M6PR: variants seen among roughly 807,000 people sequenced by gnomAD.
M6PR encodes the protein mannose-6-phosphate receptor, cation dependent, also known as cation-dependent mannose-6-phosphate receptor.
In M6PR, 19 loss-of-function variants were observed where a neutral mutation model predicts 33.1. The observed-to-expected ratio is 0.57, with a 90% CI of 0.40 to 0.84. The LOEUF (loss-of-function observed/expected upper bound fraction) is 0.84, where lower values mean the gene tolerates loss of function less well. Among genes scored for constraint, M6PR ranks in the 40% least tolerant of loss-of-function variants. The pLI is 0.00. For missense variants in M6PR, 295 were observed against 336.0 expected (o/e 0.88, Z 0.95); for synonymous variants, 111 against 123.4 (o/e 0.90, Z 0.67).
intron 1 of M6PR, among the ~76,000 whole-genome samples, chr12:8,948,038 CT>C (rs1403683673): frequency 6.6e-6 from 1 of 152,162 alleles, no homozygotes; most frequent in Non-Finnish European, 1.5e-5. Flanking sequence ...TGCCATTTTC[CT>C]TTCCAGTCTC....
At chr12:8,948,045 G>A (rs1471594000) in intron 1 of M6PR, among the ~76,000 whole-genome samples, 1 of 152,080 alleles carries the variant, frequency 6.6e-6, no homozygotes, top group Non-Finnish European at 1.5e-5. Flanking sequence ...TTCCTTTCCA[G>A]TCTCTCAGGA....
At chr12:8,945,979 A>G (rs1421897596) in intron 2 of M6PR, among the ~76,000 whole-genome samples, 5 of 152,180 alleles carry the variant, frequency 3.3e-5, no homozygotes, top group Admixed American at 1.3e-4. Context: ...TGTTTATCTG[A>G]TATTTCTAAA....
intron 2 of M6PR, among the ~76,000 whole-genome samples, 166 bp downstream of exon 2, chr12:8,946,063 A>G (rs1441579009): frequency 3.3e-5 from 5 of 152,244 alleles, no homozygotes; most frequent in African/African-American, 1.2e-4. Context: ...TCTTGGAAAT[A>G]GCTACACTTC....
chr12:8,947,144 G>C (rs1946105745), intron 1 of M6PR, among the ~76,000 whole-genome samples: 2 of 152,288 alleles, frequency 1.3e-5, no homozygotes, highest in Middle Eastern at 3.4e-3. Flanking sequence ...ACAATTTCCT[G>C]ATTTAACTCT....
Position 8,943,327 on chromosome 12 carries a change from TTATGTACC to T in M6PR, c.584+70_584+77del, listed in dbSNP as rs1946051014. 6.4e-5 allele frequency: 98 copies of T among 1,528,450 alleles called. No individual in the cohort carries two copies. The South Asian group carries it at 1.1e-3, about 17-fold the overall frequency. 94.7% of individuals were successfully genotyped at this position (1,528,450 alleles called of 1,614,324 possible). On this transcript the variant is annotated intron_variant, in intron 5 of 6. Transcript: ENST00000000412. ...CATAATGTACACATACAATTTGTGC[TTATGTACC>T]ACCATATAGTTACTGACCTTAAAAA...
In M6PR at chr12:8,943,545, A is replaced by C; in HGVS notation, c.454-10T>G. ...CAGGGTTAAAATTGTCCTGATGATG[A>C]GATGGCATAACACATTCAGGTGGTT... On this transcript the variant is annotated splice_polypyrimidine_tract_variant and intron_variant, in intron 4 of 6. Coordinates refer to ENST00000000412, the MANE Select transcript of M6PR (RefSeq NM_002355.4). 1.2e-6 allele frequency: 2 copies of C among 1,614,186 alleles called. No homozygotes were observed. The highest frequency in any genetic ancestry group is 2.2e-5 in the South Asian group (2 of 91,086).
At chr12:8,944,099 TAAGAC>T (rs1216512782) in intron 3 of M6PR, among the ~76,000 whole-genome samples, 189 bp from the exon 4 acceptor site, 3 of 152,212 alleles carry the variant, frequency 2.0e-5, no homozygotes, top group Non-Finnish European at 4.4e-5. Context: ...TGTGTTCCCT[TAAGAC>T]AAGAATCAGA....
intron 1 of M6PR, chr12:8,946,733 G>T (rs971679611): frequency 1.1e-4 from 22 of 195,294 alleles, no homozygotes; most frequent in Non-Finnish European, 1.9e-4. Context: ...CTGTTTGATG[G>T]CTTGATGTAG....
chr12:8,941,973 G>T (rs781450043), intron 6 of M6PR, 33 bp from the exon 7 acceptor site: 1 of 1,612,442 alleles, frequency 6.2e-7, no homozygotes, highest in Admixed American at 1.7e-5. Flanking sequence ...GAAATAATTC[G>T]CAGCATCTAA....
At chr12:8,942,104 G>T in intron 6 of M6PR, 164 bp from the exon 7 acceptor site, 2 of 840,458 alleles carry the variant, frequency 2.4e-6, no homozygotes, top group Non-Finnish European at 3.6e-6. Flanking sequence ...TGGGGCAACA[G>T]GAGAAAAAGT....
In M6PR at chr12:8,941,583, G is replaced by C; in HGVS notation, c.*235C>G. On this transcript the variant is annotated 3_prime_UTR_variant, in exon 7 of 7. Transcript: ENST00000000412. ...CAATGCAAAAGCCTCTGTTTTCACA[G>C]GCCCTATTATATTAACTCTGACTTA... The C allele has an allele frequency of 2.2e-6, 1 of 452,724 alleles. No individual in the cohort carries two copies. Among genetic ancestry groups the C allele is most frequent in the South Asian group, 4.1e-5 (1 of 24,326 alleles). The allele number at this position is 452,724 out of a possible 1,614,324, so 28.0% of individuals were successfully genotyped here.
chr12:8,941,680 G>A lies in M6PR; in HGVS notation c.*138C>T. 3 of 1,053,448 alleles carry A rather than the reference G, an allele frequency of 2.8e-6. No homozygotes were observed. In the South Asian group the frequency reaches 4.6e-5, roughly 16 times the overall value. The allele number at this position is 1,053,448 out of a possible 1,614,324, so 65.3% of individuals were successfully genotyped here. On this transcript the variant is annotated 3_prime_UTR_variant, in exon 7 of 7. Coordinates refer to ENST00000000412, the MANE Select transcript of M6PR (RefSeq NM_002355.4). Reference sequence around the variant, plus strand: ...AAGGCAGTTTTACTAGTGAGAAGATGCAAATCAAAAGCAAACTGGAAAGCA... The same window carrying A: ...AAGGCAGTTTTACTAGTGAGAAGATACAAATCAAAAGCAAACTGGAAAGCA...
At chr12:8,943,206 C>G (rs1376886362) in intron 5 of M6PR, 199 bp downstream of exon 5, 2 of 626,644 alleles carry the variant, frequency 3.2e-6, no homozygotes, top group African/African-American at 3.7e-5. Flanking sequence ...TCTGCCTTGG[C>G]TTCCCAAAGT....
Position 8,943,387 on chromosome 12 carries a change from AAAGG to A in M6PR, c.584+14_584+17del. ...AAAAGGAAGGAAGGTCTGTTCTGAT[AAAGG>A]AAGGCATACTCACGTGACAAGTAAG... On this transcript the variant is annotated intron_variant, in intron 5 of 6. Coordinates refer to ENST00000000412, the MANE Select transcript of M6PR (RefSeq NM_002355.4). The A allele has an allele frequency of 6.2e-7, 1 of 1,614,036 alleles. No individual in the cohort carries two copies. Among genetic ancestry groups the A allele is most frequent in the Non-Finnish European group, 8.5e-7 (1 of 1,179,904 alleles).
Position 8,941,634 on chromosome 12 carries a change from C to G in M6PR, c.*184G>C. On this transcript the variant is annotated 3_prime_UTR_variant, in exon 7 of 7. Transcript: ENST00000000412. ...CAACTGTACCTCTCTAGAGAAAAAA[C>G]AGAAAATAAGGAACAAAGGGAAGGC... 1.5e-6 allele frequency: 1 copy of G among 667,168 alleles called. No homozygotes were observed. Among genetic ancestry groups the G allele is most frequent in the Non-Finnish European group, 2.5e-6 (1 of 399,382 alleles). The allele number at this position is 667,168 out of a possible 1,614,324, so 41.3% of individuals were successfully genotyped here.
chr12:8,943,350 G>A (rs761289738), intron 5 of M6PR, 55 bp downstream of exon 5: 5 of 1,604,920 alleles, frequency 3.1e-6, no homozygotes, highest in Non-Finnish European at 4.3e-6. Context: ...TATAGTTACT[G>A]ACCTTAAAAA....
chr12:8,947,819 G>T (rs1946120269), intron 1 of M6PR, among the ~76,000 whole-genome samples: 1 of 148,092 alleles, frequency 6.8e-6, no homozygotes, highest in African/African-American at 2.5e-5. Flanking sequence ...GATGAGAGTA[G>T]ACAGCCAAAA....
rs530616702 is a variant in M6PR, at chr12:8,949,099, C to T, written c.-2+389G>A. Among the ~76,000 whole-genome samples, 2 of 152,150 alleles carry T rather than the reference C, an allele frequency of 1.3e-5. No individual in the cohort carries two copies. The highest frequency in any genetic ancestry group is 4.8e-5 in the African/African-American group (2 of 41,430). On this transcript the variant is annotated intron_variant, in intron 1 of 6. Coordinates refer to ENST00000000412, the MANE Select transcript of M6PR (RefSeq NM_002355.4). This position sits in a 1 kb window ranked among gnomAD's most constrained non-coding sequence, Gnocchi z 5.6. ...AGGGTGCCAGAAATTCTCGCTCTGT[C>T]TAGTGTCCCGACTTTCCAAGCGCTT... is the stretch of plus-strand genomic sequence containing the variant.
chr12:8,942,078 C>T (rs1946020235), intron 6 of M6PR, 138 bp from the exon 7 acceptor site: 4 of 1,000,450 alleles, frequency 4.0e-6, no homozygotes, highest in Non-Finnish European at 5.8e-6. Context: ...ATCTGACAAT[C>T]AGCCTAAATT....
Sources: gnomAD v4.1 joint callset for allele counts (sites outside exome capture counted in the v4.1 genomes callset) on GRCh38, gnomAD v4.1.1 for gene constraint, Gnocchi (gnomAD v3.1) non-coding constraint, MANE v1.5 for transcripts, NCBI Gene and HGNC (gene_info 2026-07-23, HGNC 2026-07-21) for gene names.